The following FBXL17 variants were observed in gnomAD, a reference collection of about 807,000 sequenced individuals.
FBXL17 encodes the protein F-box/LRR-repeat protein 17.
Under a neutral mutation model 66.2 loss-of-function variants are expected in FBXL17, and 22 were observed. The ratio of observed to expected loss-of-function variants is 0.33; its 90% CI spans 0.24 to 0.47. The LOEUF (loss-of-function observed/expected upper bound fraction) is 0.47, where lower values mean the gene tolerates loss of function less well. FBXL17 is among the 20% of genes least tolerant of loss of function. FBXL17 has a pLI of 1.00. For synonymous variants in FBXL17, 474 were observed against 400.5 expected (o/e 1.18, Z -2.19); for missense variants, 878 against 948.2 (o/e 0.93, Z 0.97).
At chr5:108,023,653 G>A (rs1754685502) in intron 6 of FBXL17, among the ~76,000 whole-genome samples, 1 of 152,134 alleles carries the variant, frequency 6.6e-6, no homozygotes, top group Non-Finnish European at 1.5e-5. Context: ...ACACAAGTCT[G>A]TGAACATACT....
At chr5:108,118,290 G>A (rs915053282) in intron 6 of FBXL17, among the ~76,000 whole-genome samples, 1 of 152,094 alleles carries the variant, frequency 6.6e-6, no homozygotes, top group Non-Finnish European at 1.5e-5. Context: ...CTGCCTGGTG[G>A]ACCTACAATA....
chr5:108,262,443 A>C (rs1175578961), intron 4 of FBXL17, among the ~76,000 whole-genome samples: 1 of 152,194 alleles, frequency 6.6e-6, no homozygotes, highest in African/African-American at 2.4e-5. Context: ...AAATTGTCAA[A>C]AGAAATAGAG....
At chr5:108,057,378 G>T (rs1747749611) in intron 6 of FBXL17, among the ~76,000 whole-genome samples, 1 of 152,138 alleles carries the variant, frequency 6.6e-6, no homozygotes, top group African/African-American at 2.4e-5. Context: ...TGATTTTCAT[G>T]TAGGAATTTA....
chr5:108,036,515 C>T (rs190414105), intron 6 of FBXL17, among the ~76,000 whole-genome samples: 4 of 152,246 alleles, frequency 2.6e-5, no homozygotes, highest in South Asian at 2.1e-4. Context: ...GCAACCCCTA[C>T]GAATACCATA....
chr5:108,051,854 TA>T (rs1747488145), intron 6 of FBXL17, among the ~76,000 whole-genome samples: 1 of 152,074 alleles, frequency 6.6e-6, no homozygotes, highest in South Asian at 2.1e-4. Context: ...CTCACACCTG[TA>T]ATCCCAGCAC....
chr5:107,956,893 C>T (rs549982953), intron 7 of FBXL17, among the ~76,000 whole-genome samples: 5 of 152,030 alleles, frequency 3.3e-5, no homozygotes, highest in African/African-American at 1.2e-4. Context: ...AAGAGAAGCA[C>T]CAAAAAGAAC....
chr5:108,099,865 C>T (rs1749534568), intron 6 of FBXL17, among the ~76,000 whole-genome samples: 1 of 152,182 alleles, frequency 6.6e-6, no homozygotes, highest in African/African-American at 2.4e-5. Flanking sequence ...CTTTATTAAT[C>T]AAAATGTTTC....
chr5:108,266,192 A>G (rs1561496134), intron 4 of FBXL17, among the ~76,000 whole-genome samples: 1 of 152,180 alleles, frequency 6.6e-6, no homozygotes, highest in Non-Finnish European at 1.5e-5. Flanking sequence ...AGCAGAAACT[A>G]TAATTCTAAC....
intron 4 of FBXL17, among the ~76,000 whole-genome samples, chr5:108,296,757 CTA>C (rs1383552050): frequency 6.6e-6 from 1 of 151,562 alleles, no homozygotes; most frequent in East Asian, 1.9e-4. Context: ...TGTATTAAAT[CTA>C]TCATTAAAAT....
intron 6 of FBXL17, among the ~76,000 whole-genome samples, chr5:108,113,435 T>C (rs907181672): frequency 1.3e-5 from 2 of 152,104 alleles, no homozygotes; most frequent in Non-Finnish European, 1.5e-5. Context: ...ATATATGCTA[T>C]ACACATATAT....
At chr5:107,920,878 A>G (rs1188903222) in intron 7 of FBXL17, among the ~76,000 whole-genome samples, 1 of 152,144 alleles carries the variant, frequency 6.6e-6, no homozygotes, top group Non-Finnish European at 1.5e-5. Context: ...CTTTGCCTTA[A>G]AAGCCGTGAA....
At chr5:108,029,327 A>T (rs921699374) in intron 6 of FBXL17, among the ~76,000 whole-genome samples, 1 of 152,144 alleles carries the variant, frequency 6.6e-6, no homozygotes, top group African/African-American at 2.4e-5. Context: ...GAAATAAGAA[A>T]GGAGAAGAAT....
At chr5:107,878,146 T>C in intron 8 of FBXL17, 1 of 696,140 alleles carries the variant, frequency 1.4e-6, no homozygotes, top group Non-Finnish European at 1.8e-6. Context: ...GAAAGTGTAA[T>C]TACTGACATA....
chr5:108,240,974 C>T (rs567764322), intron 4 of FBXL17, among the ~76,000 whole-genome samples: 167 of 152,250 alleles, frequency 1.1e-3, no homozygotes, highest in African/African-American at 3.5e-3. Flanking sequence ...ACCACCAAGC[C>T]GGTACACCTC....
chr5:108,042,975 T>C (rs1747109316), intron 6 of FBXL17, among the ~76,000 whole-genome samples: 2 of 152,212 alleles, frequency 1.3e-5, no homozygotes, highest in Non-Finnish European at 2.9e-5. Context: ...ATTTCCCTAA[T>C]GGCTAAAGAC....
At chr5:108,023,034 G>A (rs1034232561) in intron 6 of FBXL17, among the ~76,000 whole-genome samples, 2 of 152,106 alleles carry the variant, frequency 1.3e-5, no homozygotes, top group Admixed American at 1.3e-4. Context: ...ACATGATTAA[G>A]AGTGAGCAGT....
intron 6 of FBXL17, among the ~76,000 whole-genome samples, chr5:108,160,147 C>T (rs991626867): frequency 2.6e-5 from 4 of 152,128 alleles, no homozygotes; most frequent in African/African-American, 9.7e-5. Context: ...AAACCCAGAT[C>T]TTAAAATTTA....
At chr5:108,120,990 T>C (rs765048322) in intron 6 of FBXL17, among the ~76,000 whole-genome samples, 1 of 152,188 alleles carries the variant, frequency 6.6e-6, no homozygotes. Context: ...TGAGATTCAG[T>C]CCTTCACCGT....
chr5:108,218,250 C>T (rs761264337), intron 5 of FBXL17, among the ~76,000 whole-genome samples: 4 of 151,832 alleles, frequency 2.6e-5, no homozygotes, highest in Non-Finnish European at 4.4e-5. Flanking sequence ...CCTCGTGATC[C>T]GCCCACCTCG....
Sources: gnomAD v4.1 joint callset for allele counts (sites outside exome capture counted in the v4.1 genomes callset) on GRCh38, gnomAD v4.1.1 for gene constraint, MANE v1.5 for transcripts, NCBI Gene and HGNC (gene_info 2026-07-23, HGNC 2026-07-21) for gene names.